The following FBXL17 variants were observed in gnomAD, a reference collection of about 807,000 sequenced individuals.
FBXL17 encodes the protein F-box and leucine rich repeat protein 17, also known as F-box/LRR-repeat protein 17.
FBXL17 carries 22 observed loss-of-function variants against 66.2 expected under a neutral mutation model. The ratio of observed to expected loss-of-function variants is 0.33; its 90% CI spans 0.24 to 0.47. FBXL17 has a LOEUF of 0.47. FBXL17 is among the 20% of genes least tolerant of loss of function. The pLI is 1.00. For synonymous variants in FBXL17, 474 were observed against 400.5 expected (o/e 1.18, Z -2.19); for missense variants, 878 against 948.2 (o/e 0.93, Z 0.97).
At chr5:108,027,757 C>T (rs963071824) in intron 6 of FBXL17, among the ~76,000 whole-genome samples, 13 of 151,850 alleles carry the variant, frequency 8.6e-5, no homozygotes, top group African/African-American at 2.7e-4. Context: ...TCCTTTAGTC[C>T]TGTAAATAAA....
chr5:108,344,516 C>A (rs1398749462), intron 4 of FBXL17, among the ~76,000 whole-genome samples: 4 of 152,070 alleles, frequency 2.6e-5, no homozygotes, highest in Non-Finnish European at 1.5e-5. Context: ...GCCAAACACA[C>A]ACATAACGCA....
chr5:108,335,643 C>A (rs2150246892), intron 4 of FBXL17, among the ~76,000 whole-genome samples: 1 of 152,174 alleles, frequency 6.6e-6, no homozygotes, highest in East Asian at 1.9e-4. Flanking sequence ...GGCAAATGCA[C>A]ACACTAGACT....
rs1050140919 is a variant in FBXL17, at chr5:107,908,198, A to G, written c.1823-27019T>C. ...TTCTCAGTAAACTATCGCAAGAACA[A>G]AAAAGCAAACAAATAACCAACATGA... On this transcript the variant is annotated intron_variant, in intron 7 of 8. Coordinates refer to ENST00000542267, the MANE Select transcript of FBXL17 (RefSeq NM_001163315.3). Among the ~76,000 whole-genome samples, 8 of 152,246 alleles carry G rather than the reference A, an allele frequency of 5.3e-5. No individual in the cohort carries two copies. In the East Asian group the frequency reaches 1.5e-3, roughly 29 times the overall value.
intron 7 of FBXL17, among the ~76,000 whole-genome samples, chr5:107,909,190 C>T (rs1164413192): frequency 6.6e-6 from 1 of 152,078 alleles, no homozygotes; most frequent in Admixed American, 6.5e-5. Context: ...TCCAGTCAGA[C>T]CGTTTTGAAG....
At chr5:108,114,605 G>A (rs1298719933) in intron 6 of FBXL17, among the ~76,000 whole-genome samples, 1 of 152,154 alleles carries the variant, frequency 6.6e-6, no homozygotes, top group Non-Finnish European at 1.5e-5. Context: ...TTCAAACTAT[G>A]TATATCAGAA....
intron 4 of FBXL17, among the ~76,000 whole-genome samples, chr5:108,245,359 G>A (rs559574333): frequency 2.6e-5 from 4 of 151,848 alleles, no homozygotes; most frequent in Middle Eastern, 3.4e-3. Flanking sequence ...AATCATAAAT[G>A]GAAGACAATA....
chr5:108,189,261 C>G (rs1753363845), intron 5 of FBXL17, among the ~76,000 whole-genome samples: 1 of 141,528 alleles, frequency 7.1e-6, no homozygotes. Flanking sequence ...CTCTTACAAG[C>G]TCATGTAGTT....
chr5:108,299,419 TG>T, intron 4 of FBXL17: 1 of 964,832 alleles, frequency 1.0e-6, no homozygotes, highest in Non-Finnish European at 1.2e-6. Flanking sequence ...TACACAAATA[TG>T]TACTAAAAAA....
intron 8 of FBXL17, among the ~76,000 whole-genome samples, chr5:107,864,062 G>A (rs1030487624): frequency 6.6e-6 from 1 of 152,208 alleles, no homozygotes; most frequent in African/African-American, 2.4e-5. Context: ...ACTTCTTTAA[G>A]ACTTGGTTTT....
At chr5:107,905,394 A>G (rs1023650458) in intron 7 of FBXL17, among the ~76,000 whole-genome samples, 32 of 152,258 alleles carry the variant, frequency 2.1e-4, no homozygotes, top group African/African-American at 7.5e-4. Flanking sequence ...GTTCTGATTA[A>G]TTCCTTTTGC....
intron 6 of FBXL17, among the ~76,000 whole-genome samples, chr5:108,050,767 G>T (rs1172296068): frequency 3.9e-5 from 6 of 152,040 alleles, no homozygotes; most frequent in Admixed American, 3.3e-4. Context: ...GAATCCAGGA[G>T]CAGGTTTTTT....
intron 8 of FBXL17, among the ~76,000 whole-genome samples, chr5:107,864,091 G>A (rs1748208227): frequency 6.6e-6 from 1 of 152,158 alleles, no homozygotes; most frequent in African/African-American, 2.4e-5. Flanking sequence ...GTAAAGACAG[G>A]ATAAAAGTAC....
intron 7 of FBXL17, among the ~76,000 whole-genome samples, chr5:107,947,207 G>A (rs955179544): frequency 6.6e-6 from 1 of 152,156 alleles, no homozygotes; most frequent in Admixed American, 6.5e-5. Context: ...CATTGCTATG[G>A]GCAATGGAGA....
chr5:108,339,940 TA>T (rs1055176359), intron 4 of FBXL17, among the ~76,000 whole-genome samples: 2 of 152,098 alleles, frequency 1.3e-5, no homozygotes, highest in African/African-American at 4.8e-5. Context: ...ATTAAGCAGG[TA>T]AATCTGCTGG....
intron 7 of FBXL17, among the ~76,000 whole-genome samples, chr5:108,008,555 G>A (rs1314489292): frequency 6.6e-6 from 1 of 152,076 alleles, no homozygotes; most frequent in African/African-American, 2.4e-5. Context: ...TATTATTGAT[G>A]CACATATATA....
At chr5:108,175,376 G>C (rs1395272199) in intron 6 of FBXL17, among the ~76,000 whole-genome samples, 1 of 152,132 alleles carries the variant, frequency 6.6e-6, no homozygotes, top group East Asian at 1.9e-4. Context: ...CAGCTAGACA[G>C]TAACATGATA....
chr5:107,961,226 GGTTTT>G (rs925505107), intron 7 of FBXL17, among the ~76,000 whole-genome samples: 10 of 150,780 alleles, frequency 6.6e-5, no homozygotes, highest in African/African-American at 1.9e-4. Context: ...TTTTTTGGGG[GGTTTT>G]GTTTTGTTTT....
rs1754567046 is a variant in FBXL17 at position 108,215,637 on chromosome 5, A to AT, written c.1614+8483dup. Among the ~76,000 whole-genome samples the AT allele has an allele frequency of 5.3e-5, 8 of 152,234 alleles. No homozygotes were observed. The South Asian group carries it at 1.7e-3, about 32-fold the overall frequency. ...CTTACCAGATATGTGATTTGCAAAT[A>AT]TTTTTTCTTATTCTGTCGATTGCCT... On this transcript the variant is annotated intron_variant, in intron 5 of 8. Transcript: ENST00000542267.
In FBXL17 at chr5:108,351,287, A is replaced by G. The variant is rs569591842; in HGVS notation, c.1375-2757T>C. ...GAGGATAAGACACAGGGAAGGAAGT[A>G]TAAGTGAGCTAAATCCTTATCTTTG... On this transcript the variant is annotated intron_variant, in intron 3 of 8. Coordinates refer to ENST00000542267, the MANE Select transcript of FBXL17 (RefSeq NM_001163315.3). 3.9e-5 allele frequency among the ~76,000 whole-genome samples: 6 copies of G among 152,340 alleles called. No individual in the cohort carries two copies. The East Asian group carries it at 5.8e-4, about 15-fold the overall frequency.
Sources: gnomAD v4.1 joint callset for allele counts (sites outside exome capture counted in the v4.1 genomes callset) on GRCh38, gnomAD v4.1.1 for gene constraint, MANE v1.5 for transcripts, NCBI Gene and HGNC (gene_info 2026-07-23, HGNC 2026-07-21) for gene names.